Variants in FARP1 observed in about 807,000 individuals in gnomAD.
FARP1 encodes the protein FERM, ARH/RhoGEF and pleckstrin domain protein 1.
In FARP1, 52 loss-of-function variants were observed where a neutral mutation model predicts 128.8. The observed-to-expected ratio is 0.40, with a 90% CI of 0.32 to 0.51. The LOEUF (loss-of-function observed/expected upper bound fraction) is 0.51, where lower values mean the gene tolerates loss of function less well. Among genes scored for constraint, FARP1 ranks in the 20% least tolerant of loss-of-function variants. The pLI, the probability that FARP1 is intolerant of heterozygous loss-of-function variation, is 0.45. For synonymous variants in FARP1, 580 were observed against 551.8 expected, an observed-to-expected ratio of 1.05 and a Z score of -0.72; for missense variants, 1,333 against 1,367.9, an observed-to-expected ratio of 0.97 and a Z score of 0.40.
chr13:98,349,672 GAAAAAAAAAA>G (rs56376512), intron 3 of FARP1, among the ~76,000 whole-genome samples: 17 of 59,864 alleles, frequency 2.8e-4, no homozygotes, highest in East Asian at 2.0e-3. Flanking sequence ...CCATCTCAGG[GAAAAAAAAAA>G]AAAAAAAAAA....
chr13:98,413,072 C>CT (rs11393683), intron 16 of FARP1, among the ~76,000 whole-genome samples: 35,520 of 152,124 alleles, frequency 0.23, 4,386 homozygotes, highest in Middle Eastern at 0.29. Flanking sequence ...AGCAGAGCTG[C>CT]TTTCTGTGTT....
At chr13:98,248,525 T>A (rs770223378) in intron 2 of FARP1, among the ~76,000 whole-genome samples, 8 of 152,170 alleles carry the variant, frequency 5.3e-5, no homozygotes, top group Admixed American at 1.3e-4. Context: ...ATATTAATGT[T>A]AAATCTAGGA....
intron 1 of FARP1, among the ~76,000 whole-genome samples, chr13:98,194,510 A>C (rs184358964): frequency 2.8e-4 from 43 of 152,380 alleles, no homozygotes; most frequent in African/African-American, 8.2e-4. Context: ...AGTTATTTAT[A>C]TCTTGTTCAA....
At chr13:98,215,076 C>T (rs146079635) in intron 2 of FARP1, among the ~76,000 whole-genome samples, 146 of 152,290 alleles carry the variant, frequency 9.6e-4, no homozygotes, top group African/African-American at 3.3e-3. Flanking sequence ...CTCCAGGGAT[C>T]GTTGGACTGT....
intron 1 of FARP1, among the ~76,000 whole-genome samples, chr13:98,192,670 T>G (rs1285871764): frequency 1.3e-5 from 2 of 152,006 alleles, no homozygotes; most frequent in African/African-American, 4.8e-5. Context: ...GGATTACAAG[T>G]GTGAGTCACT....
intron 2 of FARP1, among the ~76,000 whole-genome samples, chr13:98,237,181 A>G (rs1225868800): frequency 2.6e-5 from 4 of 151,294 alleles, no homozygotes; most frequent in African/African-American, 7.3e-5. Flanking sequence ...GTGGGTGCCT[A>G]TAATCCCAGG....
rs74844910 is a variant in FARP1, at chr13:98,450,948, G to C, written c.*2631G>C. 859 of 152,288 alleles carry C rather than the reference G, an allele frequency of 5.6e-3. 8 individuals are homozygous for C. The highest frequency in any genetic ancestry group is 0.02 in the African/African-American group (816 of 41,526). 9.4% of individuals were successfully genotyped at this position (152,288 alleles called of 1,614,324 possible). ...AACTCCATCAAACCCCACCTCCCCCGACAGGAAATGCTGCCAGTCAACTCT... is the reference window on the plus strand; with the variant it reads ...AACTCCATCAAACCCCACCTCCCCCCACAGGAAATGCTGCCAGTCAACTCT... On this transcript the variant is annotated 3_prime_UTR_variant, in exon 27 of 27. Transcript: ENST00000319562.
At chr13:98,209,397 C>T (rs1880516175) in intron 1 of FARP1, among the ~76,000 whole-genome samples, 1 of 151,094 alleles carries the variant, frequency 6.6e-6, no homozygotes, top group South Asian at 2.1e-4. Context: ...GTGTGGAGAC[C>T]TGGAGGCAGA....
intron 2 of FARP1, among the ~76,000 whole-genome samples, chr13:98,291,918 CA>C (rs1345129142): frequency 6.6e-6 from 1 of 152,226 alleles, no homozygotes; most frequent in Non-Finnish European, 1.5e-5. Context: ...AGCATTGAGA[CA>C]AAGCCTTATT....
chr13:98,325,250 AT>A (rs79877126), intron 2 of FARP1, among the ~76,000 whole-genome samples: 22,567 of 152,136 alleles, frequency 0.15, 1,926 homozygotes, highest in East Asian at 0.27. Context: ...CAGTGCTTCT[AT>A]TTTTTACATT....
At chr13:98,276,326 A>G (rs1884652031) in intron 2 of FARP1, among the ~76,000 whole-genome samples, 1 of 152,254 alleles carries the variant, frequency 6.6e-6, no homozygotes, top group Admixed American at 6.5e-5. Flanking sequence ...TAGGATTTAT[A>G]TATAACCAAT....
chr13:98,429,077 C>T (rs1303433758), intron 17 of FARP1, among the ~76,000 whole-genome samples: 2 of 152,182 alleles, frequency 1.3e-5, no homozygotes, highest in African/African-American at 4.8e-5. Context: ...ACAATCCCTC[C>T]CTGTATGTTT....
intron 1 of FARP1, among the ~76,000 whole-genome samples, chr13:98,154,930 A>G (rs1307480176): frequency 6.6e-6 from 1 of 152,204 alleles, no homozygotes; most frequent in East Asian, 1.9e-4. Flanking sequence ...GTCAGCTAGG[A>G]GCTGGGCATG....
intron 2 of FARP1, among the ~76,000 whole-genome samples, chr13:98,301,918 TCAAA>T (rs1445482406): frequency 2.0e-5 from 3 of 152,146 alleles, no homozygotes; most frequent in South Asian, 2.1e-4. Context: ...ACCGGATTTC[TCAAA>T]CAAAACAGAT....
At chr13:98,343,957 G>C (rs550304894) in intron 3 of FARP1, 91 bp downstream of exon 3, 3 of 839,258 alleles carry the variant, frequency 3.6e-6, no homozygotes, top group Non-Finnish European at 6.1e-6. Context: ...TTGTGAGTGA[G>C]ATATTTTCAT....
At chr13:98,214,531 A>C (rs1880943325) in intron 2 of FARP1, among the ~76,000 whole-genome samples, 1 of 152,202 alleles carries the variant, frequency 6.6e-6, no homozygotes, top group Non-Finnish European at 1.5e-5. Context: ...GGAATTTAGT[A>C]GTCGGCATTA....
intron 2 of FARP1, among the ~76,000 whole-genome samples, chr13:98,227,923 C>T (rs1332073455): frequency 6.6e-6 from 1 of 152,074 alleles, no homozygotes; most frequent in Non-Finnish European, 1.5e-5. Flanking sequence ...TAAATAGAAA[C>T]AGTAGAATGG....
chr13:98,336,416 C>T (rs184660484), intron 2 of FARP1, among the ~76,000 whole-genome samples: 22 of 152,080 alleles, frequency 1.4e-4, no homozygotes, highest in African/African-American at 2.2e-4. Flanking sequence ...ACTACAGGCA[C>T]GCGCCACCAC....
chr13:98,254,050 G>A (rs555243710), intron 2 of FARP1, among the ~76,000 whole-genome samples: 2 of 152,228 alleles, frequency 1.3e-5, no homozygotes, highest in South Asian at 2.1e-4. Context: ...ATCATTTCAG[G>A]GTTCTGAGAC....
Sources: gnomAD v4.1 joint callset for allele counts (sites outside exome capture counted in the v4.1 genomes callset) on GRCh38, gnomAD v4.1.1 for gene constraint, MANE v1.5 for transcripts, NCBI Gene and HGNC (gene_info 2026-07-23, HGNC 2026-07-21) for gene names.